The following ATP9A variants were observed in gnomAD, a reference collection of about 807,000 sequenced individuals.
The protein encoded by ATP9A is probable phospholipid-transporting ATPase IIA.
A neutral mutation model predicts 144.1 loss-of-function variants in ATP9A; 52 were observed. That is an observed-to-expected ratio of 0.36 (90% confidence interval 0.29 to 0.45). ATP9A has a LOEUF of 0.45. Ranked by LOEUF, ATP9A falls within the 20% of genes least tolerant of loss-of-function variation. The pLI, the probability that ATP9A is intolerant of heterozygous loss-of-function variation, is 1.00. For missense variants in ATP9A, 947 were observed against 1,392.7 expected (o/e 0.68, Z 5.09); for synonymous variants, 582 against 557.4 (o/e 1.04, Z -0.62).
intron 9 of ATP9A, among the ~76,000 whole-genome samples, chr20:51,687,736 C>A (rs2077529261): frequency 6.6e-6 from 1 of 150,380 alleles, no homozygotes; most frequent in East Asian, 2.0e-4. Context: ...TGCACTCCAG[C>A]CTGGGCAACA....
intron 24 of ATP9A, 29 bp downstream of exon 24, chr20:51,610,072 C>T: frequency 6.4e-7 from 1 of 1,552,548 alleles, no homozygotes; most frequent in Non-Finnish European, 8.9e-7. Flanking sequence ...GTTTTGTAAA[C>T]AATTAATTCC....
chr20:51,725,711 T>C, intron 3 of ATP9A, 108 bp downstream of exon 3: 1 of 762,496 alleles, frequency 1.3e-6, no homozygotes, highest in Non-Finnish European at 2.3e-6. Context: ...GGGCATCCTT[T>C]CCCTTACAAG....
At chr20:51,734,874 G>A (rs1002557378) in intron 1 of ATP9A, 11 of 216,540 alleles carry the variant, frequency 5.1e-5, no homozygotes, top group East Asian at 1.1e-4. Context: ...AAAGGGTGTC[G>A]GCAGCAAAAT....
rs2077824638 is a variant in ATP9A, at chr20:51,750,031, T to C, written c.68+18271A>G. Among the ~76,000 whole-genome samples, 3 of 152,100 alleles carry C rather than the reference T, an allele frequency of 2.0e-5. No homozygotes were observed. In the South Asian group the frequency reaches 6.2e-4, roughly 31 times the overall value. On this transcript the variant is annotated intron_variant, in intron 1 of 27. Coordinates refer to ENST00000338821, the MANE Select transcript of ATP9A (RefSeq NM_006045.3). ...TTAGCTGGGTATAGTGGTGGGCACC[T>C]GTAATCCCAGCTACTTGGGAGGCTG...
intron 4 of ATP9A, among the ~76,000 whole-genome samples, chr20:51,710,127 C>A (rs943543008): frequency 6.6e-6 from 1 of 152,070 alleles, no homozygotes; most frequent in Non-Finnish European, 1.5e-5. Context: ...CATGGTGAAA[C>A]CCCATCTCTA....
At chr20:51,686,451 A>C (rs1414078609) in intron 9 of ATP9A, among the ~76,000 whole-genome samples, 1 of 152,098 alleles carries the variant, frequency 6.6e-6, no homozygotes, top group East Asian at 1.9e-4. Context: ...ACAAAAACAA[A>C]AAACAAACAA....
Position 51,743,683 on chromosome 20 carries a change from A to G in ATP9A, c.69-13705T>C, listed in dbSNP as rs374480840. On this transcript the variant is annotated intron_variant, in intron 1 of 27. Coordinates refer to ENST00000338821, the MANE Select transcript of ATP9A (RefSeq NM_006045.3). ...CTCCCAAAGTGCTGGGATTATAGGC[A>G]TGAGCCACCGTGCCCAGCCCAAATC... Among the ~76,000 whole-genome samples the G allele has an allele frequency of 1.4e-3, 197 of 143,482 alleles. 1 individual carries two copies. The highest frequency in any genetic ancestry group is 4.3e-3 in the East Asian group (18 of 4,234). 94.1% of individuals were successfully genotyped at this position (143,482 alleles called of 152,430 possible).
chr20:51,679,197 G>A (rs1661964127), intron 9 of ATP9A, among the ~76,000 whole-genome samples: 1 of 152,140 alleles, frequency 6.6e-6, no homozygotes, highest in South Asian at 2.1e-4. Context: ...GGTGGCTCAT[G>A]CCTGTAATCC....
intron 14 of ATP9A, among the ~76,000 whole-genome samples, chr20:51,641,690 G>A (rs2077319840): frequency 6.7e-6 from 1 of 149,612 alleles, no homozygotes. Flanking sequence ...AATAAGCTGG[G>A]CGTGGTGGCA....
chr20:51,642,392 T>C (rs190933881), intron 14 of ATP9A, among the ~76,000 whole-genome samples: 192 of 152,222 alleles, frequency 1.3e-3, no homozygotes, highest in Non-Finnish European at 1.9e-3. Flanking sequence ...TGATCTCAAG[T>C]GATCCACCTG....
At chr20:51,752,382 A>C (rs1367994394) in intron 1 of ATP9A, among the ~76,000 whole-genome samples, 1 of 152,246 alleles carries the variant, frequency 6.6e-6, no homozygotes, top group East Asian at 1.9e-4. Flanking sequence ...GTGTGTCACT[A>C]GAACGGAAGC....
At chr20:51,647,896 C>T (rs2077348300) in intron 14 of ATP9A, among the ~76,000 whole-genome samples, 1 of 152,170 alleles carries the variant, frequency 6.6e-6, no homozygotes, top group Non-Finnish European at 1.5e-5. Flanking sequence ...CACTGTCCAG[C>T]CCTGCTCAAA....
chr20:51,728,626 C>CAA (rs3030165), intron 2 of ATP9A, among the ~76,000 whole-genome samples: 56,384 of 129,682 alleles, frequency 0.43, 12,582 homozygotes, highest in East Asian at 0.64. Flanking sequence ...GACTCCATCT[C>CAA]AAAAAAAAAA....
At chr20:51,721,854 G>A (rs2077691106) in intron 3 of ATP9A, among the ~76,000 whole-genome samples, 1 of 151,002 alleles carries the variant, frequency 6.6e-6, no homozygotes, top group South Asian at 2.1e-4. Context: ...AAATTCATAT[G>A]GAACCAAAAA....
intron 1 of ATP9A, among the ~76,000 whole-genome samples, chr20:51,730,375 G>C (rs981999061): frequency 7.9e-5 from 12 of 152,184 alleles, no homozygotes; most frequent in Non-Finnish European, 1.5e-5. Context: ...GGCTGAGGGA[G>C]GATAATCGCT....
At chr20:51,658,355 G>A (rs1054484319) in intron 13 of ATP9A, among the ~76,000 whole-genome samples, 4 of 152,012 alleles carry the variant, frequency 2.6e-5, no homozygotes, top group African/African-American at 9.7e-5. Context: ...TCGGGAGGCT[G>A]AGGCAGGAGA....
rs1315919428 is a variant in ATP9A, at chr20:51,659,035, G to C, written c.1294-1885C>G. Among the ~76,000 whole-genome samples, 3 of 151,910 alleles carry C rather than the reference G, an allele frequency of 2.0e-5. No individual in the cohort carries two copies. The East Asian group carries it at 5.8e-4, about 29-fold the overall frequency. ...CCATGCTGGCCTTTCTGTTCTTTGGGCACTGCCAAGCTTCTTCCTGCCTGA... is the reference window on the plus strand; with the variant it reads ...CCATGCTGGCCTTTCTGTTCTTTGGCCACTGCCAAGCTTCTTCCTGCCTGA... On this transcript the variant is annotated intron_variant, in intron 13 of 27. Coordinates refer to ENST00000338821, the MANE Select transcript of ATP9A (RefSeq NM_006045.3).
At position 51,600,994 on chromosome 20, in the gene ATP9A, G is replaced by C; in HGVS notation, c.*217C>G. On this transcript the variant is annotated 3_prime_UTR_variant, in exon 28 of 28. Coordinates refer to ENST00000338821, the MANE Select transcript of ATP9A (RefSeq NM_006045.3). ...TCATATTCACCTAAACATGAAGAAC[G>C]AGGGGTTCAGACAGGCCCAGATGGG... The C allele has an allele frequency of 2.4e-6, 1 of 414,064 alleles. No individual in the cohort carries two copies. The allele number at this position is 414,064 out of a possible 1,614,324, so 25.6% of individuals were successfully genotyped here. A position where few individuals can be genotyped will look rare whatever the true frequency, so the allele number is the denominator to read the frequency against.
chr20:51,602,789 C>T (rs977072309), intron 27 of ATP9A, among the ~76,000 whole-genome samples: 1 of 152,124 alleles, frequency 6.6e-6, no homozygotes, highest in Admixed American at 6.5e-5. Context: ...CCTTAAGGAA[C>T]ATTTTTAGAC....
Sources: gnomAD v4.1 joint callset for allele counts (sites outside exome capture counted in the v4.1 genomes callset) on GRCh38, gnomAD v4.1.1 for gene constraint, MANE v1.5 for transcripts, NCBI Gene and HGNC (gene_info 2026-07-23, HGNC 2026-07-21) for gene names.